The following RPS6KC1 variants were observed in gnomAD, a reference collection of about 807,000 sequenced individuals.
RPS6KC1 encodes ribosomal protein S6 kinase C1.
RPS6KC1 carries 54 observed loss-of-function variants against 103.8 expected under a neutral mutation model. The observed-to-expected ratio is 0.52, with a 90% CI of 0.42 to 0.65. The LOEUF is 0.65. Among genes scored for constraint, RPS6KC1 ranks in the 30% least tolerant of loss-of-function variants. The probability of loss-of-function intolerance (pLI) is 0.00; values close to 1 mark genes in which losing one functional copy is unlikely to be tolerated. For missense variants in RPS6KC1, 1,151 were observed against 1,253.8 expected (o/e 0.92, Z 1.24); for synonymous variants, 439 against 438.7 (o/e 1.00, Z -0.01).
At chr1:213,664,411 C>T in the RPS6KC1 span, among the ~76,000 whole-genome samples, 5 of 152,004 alleles carry the variant, frequency 3.3e-5, no homozygotes, top group African/African-American at 1.2e-4. Flanking sequence ...GGTCACATGT[C>T]CATGAAGCTG....
chr1:213,162,892 A>C lies in RPS6KC1; in HGVS notation c.836-4966A>C, dbSNP rs80192185. On this transcript the variant is annotated intron_variant, in intron 6 of 14. Transcript: ENST00000366960. ...CTAGGGTCACATGAAATTGGTTTTG[A>C]AAAAACATTAATAGGGGGTTGACTA... Among the ~76,000 whole-genome samples the C allele has an allele frequency of 9.3e-3, 1,419 of 152,300 alleles. 46 individuals are homozygous for C. The highest frequency in any genetic ancestry group is 0.071 in the East Asian group (369 of 5,188).
chr1:213,821,597 A>G, the RPS6KC1 span: 1 of 152,184 alleles, frequency 6.6e-6, no homozygotes, highest in African/African-American at 2.4e-5. Context: ...ATCCATTTTT[A>G]TAACCCCCTG....
the RPS6KC1 span, among the ~76,000 whole-genome samples, chr1:213,385,244 A>G: frequency 1.4e-4 from 22 of 152,256 alleles, no homozygotes; most frequent in African/African-American, 5.3e-4. Context: ...AATTGGGCAC[A>G]GAAGAACACA....
chr1:213,594,556 A>G, the RPS6KC1 span, among the ~76,000 whole-genome samples: 1 of 152,320 alleles, frequency 6.6e-6, no homozygotes. Flanking sequence ...CTGACTTTTA[A>G]TCAAGGCCCT....
the RPS6KC1 span, among the ~76,000 whole-genome samples, chr1:213,616,346 G>T: frequency 6.1e-4 from 93 of 152,326 alleles, no homozygotes; most frequent in African/African-American, 2.2e-3. Flanking sequence ...CCATCTAAGG[G>T]CAGGGCGGGG....
At chr1:213,524,905 T>C in the RPS6KC1 span, among the ~76,000 whole-genome samples, 1 of 152,372 alleles carries the variant, frequency 6.6e-6, no homozygotes, top group African/African-American at 2.4e-5. Flanking sequence ...TCTTACTAAA[T>C]TATCTCCTAT....
rs894826608 is a variant in RPS6KC1, at chr1:213,240,685, G to C, written c.1226-17G>C. ...AGATCTTAATACTTTTGTTTGTTTT[G>C]TTATACTTGTTCACAGGTGGCAAAC... On this transcript the variant is annotated splice_polypyrimidine_tract_variant and intron_variant, in intron 10 of 14. Transcript: ENST00000366960. 2 of 1,579,606 alleles carry C rather than the reference G, an allele frequency of 1.3e-6. No individual in the cohort carries two copies. The highest frequency in any genetic ancestry group is 8.6e-7 in the Non-Finnish European group (1 of 1,163,418).
chr1:213,180,423 C>T (rs61834135), intron 8 of RPS6KC1, among the ~76,000 whole-genome samples: 1,807 of 152,266 alleles, frequency 0.012, 11 homozygotes, highest in East Asian at 0.025. Flanking sequence ...AATTATTGCT[C>T]ATGATAAGAA....
At chr1:213,794,009 G>A in the RPS6KC1 span, among the ~76,000 whole-genome samples, 3 of 152,138 alleles carry the variant, frequency 2.0e-5, no homozygotes, top group Non-Finnish European at 2.9e-5. Context: ...TTAGAAAAGC[G>A]ACGAGATTAG....
the RPS6KC1 span, among the ~76,000 whole-genome samples, chr1:213,771,791 G>A: frequency 1.3e-5 from 2 of 152,140 alleles, no homozygotes; most frequent in South Asian, 2.1e-4. Flanking sequence ...TTTCACCAAA[G>A]CAATTAATAT....
the RPS6KC1 span, among the ~76,000 whole-genome samples, chr1:213,513,586 A>T: frequency 6.6e-6 from 1 of 152,208 alleles, no homozygotes; most frequent in Non-Finnish European, 1.5e-5. Context: ...ATCTAACCCC[A>T]TTCTCAGGGA....
At chr1:213,362,481 A>T in the RPS6KC1 span, among the ~76,000 whole-genome samples, 130 of 152,312 alleles carry the variant, frequency 8.5e-4, no homozygotes, top group Middle Eastern at 3.4e-3. Context: ...TGAGGCACAG[A>T]GAAGTTAAGT....
In RPS6KC1 at chr1:213,091,970, T is replaced by C. The variant is rs564603892; in HGVS notation, c.263-12484T>C. On this transcript the variant is annotated intron_variant, in intron 3 of 14. Transcript: ENST00000366960. The stretch of plus-strand genomic sequence containing the variant: ...CTGGCATTACATTTCTTTTTTTTTT[T>C]TTAAATATGAGTGAGTGGCATATTA... Among the ~76,000 whole-genome samples, 374 of 152,188 alleles carry C rather than the reference T, an allele frequency of 2.5e-3. 2 individuals are homozygous for C. The highest frequency in any genetic ancestry group is 8.6e-3 in the African/African-American group (358 of 41,552).
chr1:213,475,579 G>T, the RPS6KC1 span, among the ~76,000 whole-genome samples: 1 of 152,124 alleles, frequency 6.6e-6, no homozygotes, highest in Admixed American at 6.5e-5. Flanking sequence ...GCTACATCCA[G>T]TGAGGAGTGC....
chr1:213,571,407 C>T, the RPS6KC1 span, among the ~76,000 whole-genome samples: 1 of 152,072 alleles, frequency 6.6e-6, no homozygotes, highest in Admixed American at 6.6e-5. Context: ...GAGTTGTCAG[C>T]ATTTTCAAAA....
chr1:213,592,598 G>A, the RPS6KC1 span, among the ~76,000 whole-genome samples: 1 of 152,178 alleles, frequency 6.6e-6, no homozygotes, highest in Non-Finnish European at 1.5e-5. Flanking sequence ...AATCTCTGTA[G>A]AGACTTAAAT....
At chr1:213,813,749 G>A in the RPS6KC1 span, among the ~76,000 whole-genome samples, 6 of 152,282 alleles carry the variant, frequency 3.9e-5, no homozygotes, top group African/African-American at 1.4e-4. Context: ...CCTTGGAAGT[G>A]GGGGAGCAGG....
chr1:213,493,855 A>AAGGATTTTGAAGGGGAATAGTTG, the RPS6KC1 span, among the ~76,000 whole-genome samples: 1 of 152,200 alleles, frequency 6.6e-6, no homozygotes, highest in Non-Finnish European at 1.5e-5. Context: ...TGTGCTGGAA[A>AAGGATTTTGAAGGGGAATAGTTG]TCATGGCATG....
At chr1:213,759,263 A>C in the RPS6KC1 span, among the ~76,000 whole-genome samples, 1 of 152,144 alleles carries the variant, frequency 6.6e-6, no homozygotes, top group Non-Finnish European at 1.5e-5. Context: ...TTAAGTTATG[A>C]GCATTGTTCC....
Sources: gnomAD v4.1 joint callset for allele counts (sites outside exome capture counted in the v4.1 genomes callset) on GRCh38, gnomAD v4.1.1 for gene constraint, MANE v1.5 for transcripts, NCBI Gene and HGNC (gene_info 2026-07-23, HGNC 2026-07-21) for gene names.